SAMD3: variants seen among roughly 807,000 people sequenced by gnomAD.
SAMD3 encodes sterile alpha motif domain containing 3.
In SAMD3, 63 loss-of-function variants were observed where a neutral mutation model predicts 58.5. The ratio of observed to expected loss-of-function variants is 1.08; its 90% CI spans 0.88 to 1.33. SAMD3 has a LOEUF of 1.33. Ranked by LOEUF, SAMD3 falls within the 40% of genes most tolerant of loss-of-function variation. The pLI is 0.00. For missense variants in SAMD3, 604 were observed against 608.4 expected (o/e 0.99, Z 0.08); for synonymous variants, 220 against 210.3 (o/e 1.05, Z -0.40).
chr6:130,144,536 T>C lies in SAMD3; in HGVS notation c.1547A>G (p.Gln516Arg). Residue 516 changes from glutamine to arginine, a missense_variant, in exon 12 of 12, where the codon CAG (glutamine) becomes CGG (arginine). Gln to Arg is a conservative substitution (Grantham distance 43, BLOSUM62 1). Transcript: ENST00000439090. ...GGCATGCTATTAAGTGAGTGGGTGC[T>C]GAAATCCTACTTCGTTTTCCTTTTC... ...LKEKENEVGF[Q>R]HPLT 1.2e-6 allele frequency: 2 copies of C among 1,613,962 alleles called. No homozygotes were observed. Among genetic ancestry groups the C allele is most frequent in the East Asian group, 2.2e-5 (1 of 44,844 alleles).
intron 5 of SAMD3, among the ~76,000 whole-genome samples, chr6:130,197,606 T>C (rs1046505365): frequency 3.3e-5 from 5 of 152,090 alleles, no homozygotes; most frequent in Non-Finnish European, 7.4e-5. Flanking sequence ...CAAATATTCC[T>C]TCTAACAACC....
At chr6:130,167,899 T>C (rs1790868542) in intron 8 of SAMD3, among the ~76,000 whole-genome samples, 2 of 152,236 alleles carry the variant, frequency 1.3e-5, no homozygotes. Context: ...TATAACATGA[T>C]GATACGTCTT....
At chr6:130,215,768 C>T (rs1377255353) in intron 2 of SAMD3, 1 of 1,515,734 alleles carries the variant, frequency 6.6e-7, no homozygotes, top group East Asian at 2.5e-5. Flanking sequence ...ACTTAGTAAA[C>T]TGGTTAACCC....
intron 1 of SAMD3, among the ~76,000 whole-genome samples, chr6:130,341,213 T>C (rs990301272): frequency 6.6e-6 from 1 of 152,218 alleles, no homozygotes; most frequent in South Asian, 2.1e-4. Flanking sequence ...ATAACCAATA[T>C]GGTCTATTAC....
intron 8 of SAMD3, among the ~76,000 whole-genome samples, chr6:130,163,932 A>T (rs925067467): frequency 2.6e-5 from 4 of 152,216 alleles, no homozygotes; most frequent in Non-Finnish European, 5.9e-5. Flanking sequence ...CCCAATAAGT[A>T]GGAAAAGAAA....
At chr6:130,170,866 A>G (rs958748905) in intron 8 of SAMD3, among the ~76,000 whole-genome samples, 3 of 152,226 alleles carry the variant, frequency 2.0e-5, no homozygotes, top group African/African-American at 7.2e-5. Flanking sequence ...TTTTCTAAAT[A>G]TACAATCATG....
At chr6:130,314,289 T>C (rs546492132) in intron 1 of SAMD3, among the ~76,000 whole-genome samples, 3 of 152,296 alleles carry the variant, frequency 2.0e-5, no homozygotes, top group Admixed American at 2.0e-4. Flanking sequence ...CATTTGAAAC[T>C]AACAATATAG....
intron 1 of SAMD3, among the ~76,000 whole-genome samples, chr6:130,349,211 C>A (rs1777566559): frequency 6.6e-6 from 1 of 152,148 alleles, no homozygotes; most frequent in East Asian, 1.9e-4. Flanking sequence ...TATCAGAAGG[C>A]AAGAAATAAC....
At position 130,249,821 on chromosome 6, in the gene SAMD3, G is replaced by A. The variant is rs969260901; in HGVS notation, c.-187-27008C>T. 3.3e-5 allele frequency among the ~76,000 whole-genome samples: 5 copies of A among 152,050 alleles called. No homozygotes were observed. The East Asian group carries it at 5.8e-4, about 18-fold the overall frequency. On this transcript the variant is annotated intron_variant, in intron 2 of 13. Coordinates refer to the SAMD3 transcript ENST00000368134. ...GAGAAGTTATATTTCTGAGTAGAAC[G>A]TGACATAATACTGAAGGTTATCCAG...
intron 2 of SAMD3, among the ~76,000 whole-genome samples, chr6:130,259,862 T>C (rs529620122): frequency 6.6e-6 from 1 of 152,326 alleles, no homozygotes; most frequent in South Asian, 2.1e-4. Context: ...ATTAACTTAA[T>C]CCACTGAAAT....
At chr6:130,312,880 G>T (rs2114990587) in intron 2 of SAMD3, 1 of 152,210 alleles carries the variant, frequency 6.6e-6, no homozygotes, top group East Asian at 1.9e-4. Context: ...TGATTTATCT[G>T]GCTGGTTATT....
At chr6:130,349,839 C>T (rs1366091103) in intron 1 of SAMD3, among the ~76,000 whole-genome samples, 6 of 152,078 alleles carry the variant, frequency 3.9e-5, no homozygotes, top group Admixed American at 2.6e-4. Flanking sequence ...ACTGGCAAAT[C>T]GAATCCAGCA....
intron 2 of SAMD3, among the ~76,000 whole-genome samples, chr6:130,309,085 A>G (rs1273696111): frequency 6.6e-6 from 1 of 152,212 alleles, no homozygotes; most frequent in East Asian, 1.9e-4. Flanking sequence ...GTTTGACCCT[A>G]GTGAGAAGAG....
intron 1 of SAMD3, among the ~76,000 whole-genome samples, chr6:130,357,842 T>C (rs1417293554): frequency 6.6e-6 from 1 of 152,232 alleles, no homozygotes; most frequent in African/African-American, 2.4e-5. Context: ...TGGGTAAACT[T>C]TGTGAAAGCA....
rs186797306 is a variant in SAMD3 at position 130,261,841 on chromosome 6, C to T, written c.-187-39028G>A. Among the ~76,000 whole-genome samples the T allele has an allele frequency of 3.5e-4, 54 of 152,186 alleles. 1 individual carries two copies. Among genetic ancestry groups the T allele is most frequent in the Admixed American group, 2.9e-3 (44 of 15,290 alleles). ...ATGGCACAAGGTAACCTGTAAATCC[C>T]GGGCATCCAGACCAGTTCCCATACA... On this transcript the variant is annotated intron_variant, in intron 2 of 13. Coordinates refer to the SAMD3 transcript ENST00000368134.
intron 2 of SAMD3, among the ~76,000 whole-genome samples, chr6:130,250,054 C>G (rs530454593): frequency 1.4e-4 from 22 of 152,002 alleles, no homozygotes; most frequent in South Asian, 6.2e-4. Flanking sequence ...AGGAAATATG[C>G]GGGAATGGAG....
rs140727542 is a variant in SAMD3, at chr6:130,184,576, G to T, written c.431C>A (p.Thr144Lys). The change falls in exon 6 of 12, where the codon ACG becomes AAG. Residue 144 changes from threonine (T) to lysine (K), a missense_variant. Coordinates refer to ENST00000439090, the MANE Select transcript of SAMD3 (RefSeq NM_001017373.4). ...AAACTCTGGTAAAACATAGGACTTCGTCCACTGTAATGCTTTGCTTCTTGC... is the reference window on the plus strand; with the variant it reads ...AAACTCTGGTAAAACATAGGACTTCTTCCACTGTAATGCTTTGCTTCTTGC... Reference protein sequence around the residue: ...ILARSKALQWTKSYVLPEFPY... With the variant: ...ILARSKALQWKKSYVLPEFPY... The T allele has an allele frequency of 6.2e-7, 1 of 1,613,946 alleles. No individual in the cohort carries two copies. The highest frequency in any genetic ancestry group is 1.7e-5 in the Admixed American group (1 of 60,008).
intron 5 of SAMD3, among the ~76,000 whole-genome samples, chr6:130,195,259 TTGGTGACCGATTA>T (rs1422021238): frequency 6.6e-6 from 1 of 152,060 alleles, no homozygotes; most frequent in East Asian, 1.9e-4. Context: ...TAATCCCTCC[TTGGTGACCGATTA>T]TGCACCCCTT....
chr6:130,174,166 T>C (rs36001007), intron 8 of SAMD3, among the ~76,000 whole-genome samples: 14,457 of 152,224 alleles, frequency 0.095, 1,099 homozygotes, highest in African/African-American at 0.21. Flanking sequence ...GGCTTCAGCC[T>C]CTTTTCCAGG....
Sources: gnomAD v4.1 joint callset for allele counts (sites outside exome capture counted in the v4.1 genomes callset) on GRCh38, gnomAD v4.1.1 for gene constraint, MANE v1.5 for transcripts, NCBI Gene and HGNC (gene_info 2026-07-23, HGNC 2026-07-21) for gene names.